The following NRCAM variants were observed in gnomAD, a reference collection of about 807,000 sequenced individuals.
The protein encoded by NRCAM is NgCAM-related cell adhesion molecule.
NRCAM carries 83 observed loss-of-function variants against 156.5 expected under a neutral mutation model. The observed-to-expected ratio is 0.53, with a 90% CI of 0.44 to 0.64. NRCAM has a LOEUF of 0.64. Ranked by LOEUF, NRCAM falls within the 30% of genes least tolerant of loss-of-function variation. NRCAM has a pLI of 0.00. For missense variants in NRCAM, 1,417 were observed against 1,597.3 expected, an observed-to-expected ratio of 0.89 and a Z score of 1.92; for synonymous variants, 538 against 563.9, an observed-to-expected ratio of 0.95 and a Z score of 0.65.
chr7:108,393,959 T>G (rs1277917681), intron 2 of NRCAM, among the ~76,000 whole-genome samples: 5 of 152,198 alleles, frequency 3.3e-5, no homozygotes, highest in African/African-American at 4.8e-5. Flanking sequence ...TGAGGGCTCC[T>G]GAGCACAACC....
intron 5 of NRCAM, among the ~76,000 whole-genome samples, chr7:108,235,980 T>C (rs1483288818): frequency 6.6e-6 from 1 of 152,162 alleles, no homozygotes; most frequent in African/African-American, 2.4e-5. Context: ...CTCACTGTTC[T>C]TTCCTTTCCT....
intron 2 of NRCAM, among the ~76,000 whole-genome samples, chr7:108,363,789 C>T (rs1274504921): frequency 1.3e-5 from 2 of 152,102 alleles, no homozygotes; most frequent in Non-Finnish European, 2.9e-5. Context: ...ATGAGAAAGA[C>T]CTCTGGCAAA....
At chr7:108,269,249 G>T (rs1323392683) in intron 3 of NRCAM, among the ~76,000 whole-genome samples, 1 of 152,052 alleles carries the variant, frequency 6.6e-6, no homozygotes, top group African/African-American at 2.4e-5. Context: ...ATAAAGACAG[G>T]ATCAGCATTG....
intron 3 of NRCAM, among the ~76,000 whole-genome samples, chr7:108,244,804 G>A (rs188741281): frequency 1.8e-4 from 27 of 152,276 alleles, no homozygotes; most frequent in African/African-American, 6.3e-4. Flanking sequence ...CTAAGGAATG[G>A]TGAACAATAA....
At chr7:108,296,875 T>C (rs1019539531) in intron 3 of NRCAM, among the ~76,000 whole-genome samples, 2 of 152,206 alleles carry the variant, frequency 1.3e-5, no homozygotes, top group African/African-American at 4.8e-5. Flanking sequence ...CGTTTCCCTA[T>C]ACCATTACAG....
At chr7:108,201,003 G>A (rs990309973) in intron 13 of NRCAM, among the ~76,000 whole-genome samples, 2 of 151,996 alleles carry the variant, frequency 1.3e-5, no homozygotes, top group Non-Finnish European at 2.9e-5. Context: ...GGGGGGCAGC[G>A]AGGCATAAAA....
intron 1 of NRCAM, among the ~76,000 whole-genome samples, chr7:108,413,361 A>AT (rs1425075648): frequency 6.6e-6 from 1 of 152,026 alleles, no homozygotes; most frequent in Non-Finnish European, 1.5e-5. Context: ...TGCTTTGCCC[A>AT]TTTTTTTATT....
rs2065487608 is a variant in NRCAM, at chr7:108,184,481, T to G, written c.2169A>C (p.Ala723=). 2 of 1,614,098 alleles carry G rather than the reference T, an allele frequency of 1.2e-6. No individual in the cohort carries two copies. The highest frequency in any genetic ancestry group is 1.3e-5 in the African/African-American group (1 of 74,946). ...GCAAGCTCTTCCCAATGCTGTTCAC[T>G]GCCATCACGCGGAAGGAGTAGTTCA... The part of the protein sequence containing the change: ...PYVNYSFRVM[A]VNSIGKSLPS... The change falls in exon 21 of 33, where the codon GCA becomes GCC. Residue 723 remains alanine (A), a synonymous_variant. Transcript: ENST00000379028.
chr7:108,403,982 T>A (rs1334661364), intron 1 of NRCAM, among the ~76,000 whole-genome samples: 1 of 152,186 alleles, frequency 6.6e-6, no homozygotes, highest in Non-Finnish European at 1.5e-5. Flanking sequence ...GCTTTTTAAG[T>A]TCTCCTGGCT....
Position 108,209,464 on chromosome 7 carries a change from G to A in NRCAM, c.1032C>T (p.Asn344=), listed in dbSNP as rs1269621. Residue 344 remains asparagine, a synonymous_variant, in exon 12 of 33, where the codon AAC becomes AAT. Coordinates refer to ENST00000379028, the MANE Select transcript of NRCAM (RefSeq NM_001037132.4). The stretch of plus-strand genomic sequence containing the variant: ...TGGTATGGTGGATGGCTCCTAATGC[G>A]TTTTTTGCTATACATTGGTAATTTC... ...DSGNYQCIAK[N]ALGAIHHTIS... 826,475 of 1,603,876 alleles carry A rather than the reference G, an allele frequency of 0.52. 217,140 individuals are homozygous for A. Among genetic ancestry groups the A allele is most frequent in the East Asian group, 0.8 (35,509 of 44,630 alleles).
At chr7:108,354,264 C>T (rs1298328053) in intron 2 of NRCAM, among the ~76,000 whole-genome samples, 4 of 152,192 alleles carry the variant, frequency 2.6e-5, no homozygotes, top group Non-Finnish European at 5.9e-5. Flanking sequence ...AGGGGAACAA[C>T]TACATGCTCC....
intron 11 of NRCAM, among the ~76,000 whole-genome samples, chr7:108,213,777 C>A (rs184505169): frequency 1.3e-4 from 20 of 152,222 alleles, no homozygotes; most frequent in African/African-American, 4.8e-4. Context: ...AAAACAATTA[C>A]TAATAGTCCT....
At chr7:108,303,981 T>C in intron 3 of NRCAM, among the ~76,000 whole-genome samples, 1 of 152,218 alleles carries the variant, frequency 6.6e-6, no homozygotes, top group Admixed American at 6.5e-5. Context: ...TGCTACTGTT[T>C]AGGAATATCT....
intron 32 of NRCAM, among the ~76,000 whole-genome samples, chr7:108,152,614 C>T (rs932684806): frequency 3.3e-5 from 5 of 152,092 alleles, no homozygotes; most frequent in Admixed American, 2.6e-4. Context: ...TTGAGAATAG[C>T]CTACCTTAGA....
chr7:108,300,456 CACAA>C (rs1471998718), intron 3 of NRCAM, among the ~76,000 whole-genome samples: 8 of 152,168 alleles, frequency 5.3e-5, no homozygotes, highest in East Asian at 3.9e-4. Flanking sequence ...GTCATGCATA[CACAA>C]ACAAACAGAG....
chr7:108,332,781 CA>C (rs541260310), intron 2 of NRCAM, among the ~76,000 whole-genome samples: 256 of 152,254 alleles, frequency 1.7e-3, no homozygotes, highest in African/African-American at 5.7e-3. Context: ...ACATCTTATT[CA>C]AAACACATGT....
intron 2 of NRCAM, among the ~76,000 whole-genome samples, chr7:108,349,359 C>G (rs2099394755): frequency 6.6e-6 from 1 of 151,858 alleles, no homozygotes; most frequent in Admixed American, 6.6e-5. Context: ...AGCTCCTCAT[C>G]CTGGGTTCAC....
intron 2 of NRCAM, among the ~76,000 whole-genome samples, chr7:108,365,309 A>AT (rs1431345037): frequency 6.6e-6 from 1 of 152,198 alleles, no homozygotes; most frequent in East Asian, 1.9e-4. Flanking sequence ...TTAATGTATT[A>AT]TAATGATTAT....
At chr7:108,175,124 G>T (rs377348) in intron 28 of NRCAM, among the ~76,000 whole-genome samples, 198 bp downstream of exon 28, 140,004 of 152,278 alleles carry the variant, frequency 0.92, 64,374 homozygotes, top group East Asian at 1. Context: ...AAGAAAAAAT[G>T]TTTTGAGAAT....
Sources: allele counts gnomAD v4.1 joint callset (sites outside exome capture counted in the v4.1 genomes callset), GRCh38; gene constraint gnomAD v4.1.1; transcripts MANE v1.5; gene names NCBI Gene and HGNC (gene_info 2026-07-23, HGNC 2026-07-21).